The following AGAP1 variants were observed in gnomAD, a reference collection of about 807,000 sequenced individuals.
AGAP1 encodes the protein arf-GAP with GTPase, ANK repeat and PH domain-containing protein 1.
Under a neutral mutation model 105.3 loss-of-function variants are expected in AGAP1, and 29 were observed. That is an observed-to-expected ratio of 0.28 (90% CI 0.21 to 0.38). The LOEUF is 0.38. Ranked by LOEUF, AGAP1 falls within the 10% of genes least tolerant of loss-of-function variation. The probability of loss-of-function intolerance (pLI) is 1.00; values close to 1 mark genes in which losing one functional copy is unlikely to be tolerated. For missense variants in AGAP1, 998 were observed against 1,165.1 expected, an observed-to-expected ratio of 0.86 and a Z score of 2.09; for synonymous variants, 509 against 485.9, an observed-to-expected ratio of 1.05 and a Z score of -0.63.
At position 235,845,051 on chromosome 2, in the gene AGAP1, C is replaced by G. The variant is rs1423654595; in HGVS notation, c.1050+37720C>G. Among the ~76,000 whole-genome samples, 1 of 152,194 alleles carries G rather than the reference C, an allele frequency of 6.6e-6. No homozygotes were observed. Among genetic ancestry groups the G allele is most frequent in the Non-Finnish European group, 1.5e-5 (1 of 68,048 alleles). ...GTGGGGTCCCGGCCCAGCAGTGGGG[C>G]TCCACATGGCTGAATTGAACAGTCA... On this transcript the variant is annotated intron_variant, in intron 9 of 17. Transcript: ENST00000304032. This position sits in a 1 kb window ranked among gnomAD's most constrained non-coding sequence, Gnocchi z 4.8.
rs1043354238 is a variant in AGAP1, at chr2:236,092,619, C to T, written c.2115-27573C>T. Among the ~76,000 whole-genome samples, 3 of 152,192 alleles carry T rather than the reference C, an allele frequency of 2.0e-5. No individual in the cohort carries two copies. The highest frequency in any genetic ancestry group is 6.5e-5 in the Admixed American group (1 of 15,280). On this transcript the variant is annotated intron_variant, in intron 16 of 17. Transcript: ENST00000304032. This position sits in a 1 kb window ranked among gnomAD's most constrained non-coding sequence, Gnocchi z 4.7. ...GTGTTAGCCAGGATGGTCTCGATCT[C>T]CTGACCTCATGATCCACCCGCCTTG...
chr2:235,950,955 A>C (rs1042092070), intron 12 of AGAP1, among the ~76,000 whole-genome samples: 12 of 149,286 alleles, frequency 8.0e-5, no homozygotes, highest in African/African-American at 2.5e-4. Flanking sequence ...ACTAGTAAAA[A>C]TAATATGATA....
chr2:235,853,037 T>C, intron 9 of AGAP1: 5 of 1,243,158 alleles, frequency 4.0e-6, no homozygotes, highest in Non-Finnish European at 5.1e-6. Flanking sequence ...AAAAGACCCC[T>C]TAATTTCTAT....
chr2:235,521,585 C>T (rs970010471), intron 1 of AGAP1, among the ~76,000 whole-genome samples: 32 of 152,070 alleles, frequency 2.1e-4, no homozygotes, highest in African/African-American at 7.5e-4. Context: ...CACTGTTTTT[C>T]GTTTGCCTTT....
rs1418782147 is a variant in AGAP1, at chr2:235,979,024, C to T, written c.1645+10401C>T. On this transcript the variant is annotated intron_variant, in intron 13 of 17. Coordinates refer to ENST00000304032, the MANE Select transcript of AGAP1 (RefSeq NM_001037131.3). The surrounding 1 kb of genome is among the most constrained non-coding windows in gnomAD (Gnocchi z 4.5). ...CTCTCTTGAAATTTTTTTGGACTTA[C>T]GGACATTTAATTCAGATGCAGTGAA... Among the ~76,000 whole-genome samples the T allele has an allele frequency of 6.6e-6, 1 of 151,928 alleles. No individual in the cohort carries two copies. The highest frequency in any genetic ancestry group is 1.5e-5 in the Non-Finnish European group (1 of 68,006).
In AGAP1 at chr2:235,845,116, A is replaced by C. The variant is rs1256065335; in HGVS notation, c.1050+37785A>C. ...TAACAAGTCCTGTGTCATCCTGTTT[A>C]GCCGTTCGCTCAAACAGAGAACTGT... On this transcript the variant is annotated intron_variant, in intron 9 of 17. Transcript: ENST00000304032. The surrounding 1 kb of genome is among the most constrained non-coding windows in gnomAD (Gnocchi z 4.8). Among the ~76,000 whole-genome samples, 1 of 152,186 alleles carries C rather than the reference A, an allele frequency of 6.6e-6. No individual in the cohort carries two copies. Among genetic ancestry groups the C allele is most frequent in the Non-Finnish European group, 1.5e-5 (1 of 68,036 alleles).
intron 9 of AGAP1, chr2:235,852,783 G>T (rs1475966998): frequency 6.5e-7 from 1 of 1,535,940 alleles, no homozygotes; most frequent in Admixed American, 2.0e-5. Flanking sequence ...GGGCCGAGGG[G>T]TGGTCAGACC....
intron 1 of AGAP1, among the ~76,000 whole-genome samples, chr2:235,560,561 G>A (rs1480396062): frequency 6.6e-6 from 1 of 152,212 alleles, no homozygotes; most frequent in African/African-American, 2.4e-5. Context: ...GTAGAAGAGG[G>A]AAGTGAAAGA....
At chr2:235,806,635 A>G (rs752700217) in intron 8 of AGAP1, among the ~76,000 whole-genome samples, 1 of 152,220 alleles carries the variant, frequency 6.6e-6, no homozygotes, top group Non-Finnish European at 1.5e-5. Context: ...CTTTCGTCCA[A>G]AGGCGATTAT....
intron 9 of AGAP1, among the ~76,000 whole-genome samples, chr2:235,849,167 G>A (rs920048799): frequency 2.0e-5 from 3 of 152,220 alleles, no homozygotes; most frequent in African/African-American, 7.2e-5. Flanking sequence ...AGCAGCAAGA[G>A]AATTTAATGA....
intron 3 of AGAP1, among the ~76,000 whole-genome samples, chr2:235,726,126 T>C (rs1227096683): frequency 1.3e-5 from 2 of 152,238 alleles, no homozygotes; most frequent in South Asian, 2.1e-4. Flanking sequence ...TGGGCCTGCA[T>C]TGGAGCCTGT....
At chr2:235,568,345 G>T (rs924309961) in intron 1 of AGAP1, among the ~76,000 whole-genome samples, 1 of 152,344 alleles carries the variant, frequency 6.6e-6, no homozygotes, top group South Asian at 2.1e-4. Context: ...GGCACTTTGC[G>T]GAGCATGGAC....
intron 13 of AGAP1, among the ~76,000 whole-genome samples, chr2:235,972,694 A>G (rs1200206938): frequency 6.6e-6 from 1 of 152,170 alleles, no homozygotes; most frequent in African/African-American, 2.4e-5. Flanking sequence ...CTGAGAGCCC[A>G]CGATGCCAGT....
Position 235,596,165 on chromosome 2 carries a change from C to T in AGAP1, c.163+101316C>T, listed in dbSNP as rs987149862. The stretch of plus-strand genomic sequence containing the variant: ...CTAACTTCATGTCAAGTCTAAGTGG[C>T]ACAGCTATCCATGAACACTGTAAAC... On this transcript the variant is annotated intron_variant, in intron 1 of 17. Transcript: ENST00000304032. This position sits in a 1 kb window ranked among gnomAD's most constrained non-coding sequence, Gnocchi z 5.9. Among the ~76,000 whole-genome samples, 1 of 152,204 alleles carries T rather than the reference C, an allele frequency of 6.6e-6. No homozygotes were observed. Among genetic ancestry groups the T allele is most frequent in the African/African-American group, 2.4e-5 (1 of 41,452 alleles).
At chr2:235,878,457 G>A (rs149383118) in intron 9 of AGAP1, among the ~76,000 whole-genome samples, 165 of 152,226 alleles carry the variant, frequency 1.1e-3, no homozygotes, top group Non-Finnish European at 2.1e-3. Context: ...TCACGTTCTG[G>A]GCTAAAGTAC....
At chr2:235,817,215 A>G (rs1201256943) in intron 9 of AGAP1, among the ~76,000 whole-genome samples, 1 of 152,040 alleles carries the variant, frequency 6.6e-6, no homozygotes, top group East Asian at 1.9e-4. Context: ...AGAAATGGTC[A>G]GGAAGGCCCA....
At chr2:235,673,782 T>A (rs1319899627) in intron 1 of AGAP1, among the ~76,000 whole-genome samples, 1 of 152,220 alleles carries the variant, frequency 6.6e-6, no homozygotes, top group Non-Finnish European at 1.5e-5. Context: ...CTTGAAAATA[T>A]AAAGGAAATT....
intron 1 of AGAP1, among the ~76,000 whole-genome samples, chr2:235,539,259 A>G (rs891584211): frequency 6.6e-6 from 1 of 152,234 alleles, no homozygotes; most frequent in Non-Finnish European, 1.5e-5. Context: ...GACTTTTATG[A>G]TGCACTGGAT....
chr2:235,804,604 T>C (rs905406120), intron 8 of AGAP1, among the ~76,000 whole-genome samples: 6 of 152,166 alleles, frequency 3.9e-5, no homozygotes, highest in Non-Finnish European at 8.8e-5. Flanking sequence ...TGTAGGCAGG[T>C]AGTTAGTTGA....
Sources: allele counts gnomAD v4.1 joint callset (sites outside exome capture counted in the v4.1 genomes callset), GRCh38; gene constraint gnomAD v4.1.1; non-coding constraint Gnocchi (gnomAD v3.1); transcripts MANE v1.5; gene names NCBI Gene and HGNC (gene_info 2026-07-23, HGNC 2026-07-21).